The following DGKB variants were observed in gnomAD, a reference collection of about 807,000 sequenced individuals.
The protein encoded by DGKB is 90 kDa diacylglycerol kinase.
In DGKB, 67 loss-of-function variants were observed where a neutral mutation model predicts 114.3. The observed-to-expected ratio is 0.59, with a 90% CI of 0.48 to 0.72. The LOEUF (loss-of-function observed/expected upper bound fraction) is 0.72, where lower values mean the gene tolerates loss of function less well. DGKB is among the 30% of genes least tolerant of loss of function. DGKB has a pLI of 0.00. For synonymous variants in DGKB, 398 were observed against 323.1 expected (o/e 1.23, Z -2.49); for missense variants, 907 against 975.2 (o/e 0.93, Z 0.93).
intron 21 of DGKB, among the ~76,000 whole-genome samples, chr7:14,370,215 A>G (rs1224795508): frequency 6.6e-6 from 1 of 152,322 alleles, no homozygotes; most frequent in South Asian, 2.1e-4. Flanking sequence ...TCCTTTCCCC[A>G]TTCCTTGTTT....
chr7:14,610,280 C>G (rs1210139426), intron 16 of DGKB, among the ~76,000 whole-genome samples: 2 of 151,922 alleles, frequency 1.3e-5, no homozygotes, highest in Non-Finnish European at 2.9e-5. Context: ...AACAGAAAAC[C>G]AAATACTGCA....
At chr7:14,926,034 T>C (rs531849529) in intron 1 of DGKB, among the ~76,000 whole-genome samples, 1 of 152,284 alleles carries the variant, frequency 6.6e-6, no homozygotes, top group Admixed American at 6.5e-5. Context: ...TGTAGGTTTC[T>C]GTAGATTTTC....
At chr7:14,847,945 T>C (rs955885362) in intron 1 of DGKB, among the ~76,000 whole-genome samples, 1 of 152,212 alleles carries the variant, frequency 6.6e-6, no homozygotes, top group Non-Finnish European at 1.5e-5. Flanking sequence ...AAGGAGCACA[T>C]GATTAGACTG....
At chr7:14,820,878 G>A (rs190811592) in intron 2 of DGKB, among the ~76,000 whole-genome samples, 1 of 152,232 alleles carries the variant, frequency 6.6e-6, no homozygotes, top group African/African-American at 2.4e-5. Context: ...TGGACCCAGA[G>A]AACTGCATTG....
At chr7:14,697,279 A>G (rs564642378) in intron 8 of DGKB, among the ~76,000 whole-genome samples, 52 of 152,308 alleles carry the variant, frequency 3.4e-4, no homozygotes, top group African/African-American at 1.2e-3. Context: ...TAATTTTAAC[A>G]TATTTGGGTC....
intron 1 of DGKB, among the ~76,000 whole-genome samples, chr7:14,896,428 CAA>C (rs1265693398): frequency 4.0e-5 from 6 of 151,420 alleles, no homozygotes; most frequent in South Asian, 2.1e-4. Context: ...TGAAATCTTA[CAA>C]AGTGTTTATA....
intron 1 of DGKB, among the ~76,000 whole-genome samples, chr7:14,868,984 A>G (rs116518837): frequency 0.014 from 2,204 of 152,192 alleles, 56 homozygotes; most frequent in African/African-American, 0.045. Flanking sequence ...AATCCTCACC[A>G]CTGTTTGTCT....
At chr7:14,387,216 G>A (rs989606644) in intron 21 of DGKB, among the ~76,000 whole-genome samples, 4 of 151,950 alleles carry the variant, frequency 2.6e-5, no homozygotes, top group Non-Finnish European at 5.9e-5. Flanking sequence ...GAGGTCAGGA[G>A]ATCGAGACAA....
chr7:14,383,339 A>T (rs888454532), intron 21 of DGKB, among the ~76,000 whole-genome samples: 2 of 152,240 alleles, frequency 1.3e-5, no homozygotes, highest in Middle Eastern at 3.2e-3. Flanking sequence ...CTTGACTTTC[A>T]TCAAATGATA....
chr7:14,726,442 G>C (rs752505342), intron 5 of DGKB, among the ~76,000 whole-genome samples: 30 of 152,074 alleles, frequency 2.0e-4, no homozygotes, highest in Non-Finnish European at 3.5e-4. Context: ...CAGAATCGGA[G>C]TTTTATACTC....
intron 1 of DGKB, among the ~76,000 whole-genome samples, chr7:14,963,446 T>C (rs1786976486): frequency 1.3e-5 from 2 of 152,136 alleles, no homozygotes; most frequent in South Asian, 4.1e-4. Context: ...TTTGCCAAAA[T>C]AAAAGTTCAG....
intron 1 of DGKB, among the ~76,000 whole-genome samples, chr7:14,964,071 C>T (rs919362744): frequency 6.6e-6 from 1 of 151,980 alleles, no homozygotes; most frequent in Non-Finnish European, 1.5e-5. Flanking sequence ...AGAGGTTTTA[C>T]TTTGGAGGTG....
intron 20 of DGKB, among the ~76,000 whole-genome samples, chr7:14,486,535 C>T (rs1018018684): frequency 2.8e-4 from 43 of 152,144 alleles, no homozygotes; most frequent in African/African-American, 8.9e-4. Context: ...TATCCAGGAA[C>T]GTAAGAACCT....
intron 2 of DGKB, among the ~76,000 whole-genome samples, chr7:14,809,611 A>G (rs1294270228): frequency 5.9e-5 from 9 of 151,712 alleles, no homozygotes; most frequent in Non-Finnish European, 1.2e-4. Context: ...CACTGGGACA[A>G]TATTTTTTTT....
intron 23 of DGKB, among the ~76,000 whole-genome samples, chr7:14,256,485 T>G (rs1795992684): frequency 1.3e-5 from 2 of 152,058 alleles, no homozygotes; most frequent in South Asian, 2.1e-4. Flanking sequence ...TTTATTTCAT[T>G]TTGATAGTTT....
rs117742353 is a variant in DGKB, at chr7:14,287,934, C to A, written c.2122+50581G>T. On this transcript the variant is annotated intron_variant, in intron 23 of 25. Transcript: ENST00000402815. ...CATAATTATTCCCTTGATACTGCCT[C>A]ATTTCCACATTAGTCCTGTTGGAAT... Among the ~76,000 whole-genome samples the A allele has an allele frequency of 9.9e-5, 15 of 152,248 alleles. No homozygotes were observed. The East Asian group carries it at 2.1e-3, about 22-fold the overall frequency.
chr7:14,931,222 C>A (rs1587404690), intron 1 of DGKB, among the ~76,000 whole-genome samples: 1 of 151,974 alleles, frequency 6.6e-6, no homozygotes, highest in East Asian at 1.9e-4. Flanking sequence ...AGCGATTCTC[C>A]TGCCTCAGCC....
At chr7:14,776,187 G>T (rs762464749) in intron 2 of DGKB, among the ~76,000 whole-genome samples, 3 of 152,066 alleles carry the variant, frequency 2.0e-5, no homozygotes, top group African/African-American at 4.8e-5. Flanking sequence ...TGTATCTGAT[G>T]GAAAAAATTT....
intron 23 of DGKB, among the ~76,000 whole-genome samples, chr7:14,217,450 A>G (rs1046109882): frequency 1.3e-5 from 2 of 152,056 alleles, no homozygotes; most frequent in Admixed American, 1.3e-4. Flanking sequence ...AACATTAAAG[A>G]AAAAAATCAT....
Sources: allele counts gnomAD v4.1 joint callset (sites outside exome capture counted in the v4.1 genomes callset), GRCh38; gene constraint gnomAD v4.1.1; transcripts MANE v1.5; gene names NCBI Gene and HGNC (gene_info 2026-07-23, HGNC 2026-07-21).